ASCC3: variants seen among roughly 807,000 people sequenced by gnomAD.
The protein encoded by ASCC3 is ASC-1 complex subunit P200.
A neutral mutation model predicts 256.3 loss-of-function variants in ASCC3; 158 were observed. The ratio of observed to expected loss-of-function variants is 0.62; its 90% confidence interval spans 0.54 to 0.70. The LOEUF (loss-of-function observed/expected upper bound fraction) is 0.70. ASCC3 is among the 30% of genes least tolerant of loss of function. The pLI, the probability that ASCC3 is intolerant of heterozygous loss-of-function variation, is 0.00. For missense variants in ASCC3, 2,259 were observed against 2,626.0 expected (o/e 0.86, Z 3.05); for synonymous variants, 948 against 883.4 (o/e 1.07, Z -1.30).
At chr6:100,549,850 T>C (rs1582431076) in intron 36 of ASCC3, among the ~76,000 whole-genome samples, 1 of 151,952 alleles carries the variant, frequency 6.6e-6, no homozygotes, top group African/African-American at 2.4e-5. Context: ...ACTGGATGTG[T>C]TGGAAAGTTT....
Position 100,606,934 on chromosome 6 carries a change from T to C in ASCC3, c.4923+17A>G, listed in dbSNP as rs983593751. 10 of 1,612,956 alleles carry C rather than the reference T, an allele frequency of 6.2e-6. No homozygotes were observed. In the African/African-American group the frequency reaches 8.0e-5, roughly 13 times the overall value. ...AAGTTACATTTAAATATGTGTTCAC[T>C]GGAGAAAAAAAAGTACCTGAACTTT... On this transcript the variant is annotated intron_variant, in intron 31 of 41. Transcript: ENST00000369162.
At chr6:100,815,299 ATGGAT>A (rs1203759609) in intron 4 of ASCC3, among the ~76,000 whole-genome samples, 1 of 152,190 alleles carries the variant, frequency 6.6e-6, no homozygotes, top group Non-Finnish European at 1.5e-5. Context: ...TTCCATGCTC[ATGGAT>A]TGGAAGAATC....
intron 11 of ASCC3, among the ~76,000 whole-genome samples, chr6:100,721,200 C>G (rs372723001): frequency 1.3e-5 from 2 of 151,588 alleles, no homozygotes; most frequent in African/African-American, 4.8e-5. Flanking sequence ...CCCTTGTAAT[C>G]ATGAATGATA....
intron 5 of ASCC3, among the ~76,000 whole-genome samples, chr6:100,801,683 GA>G (rs1227910269): frequency 6.6e-6 from 1 of 151,580 alleles, no homozygotes; most frequent in African/African-American, 2.4e-5. Context: ...TTACAGTTCT[GA>G]AAAAAGCATT....
At position 100,509,843 on chromosome 6, in the gene ASCC3, G is replaced by C. The variant is rs1009450298; in HGVS notation, c.6461+89C>G. 1.9e-5 allele frequency: 25 copies of C among 1,301,052 alleles called. No individual in the cohort carries two copies. The African/African-American group carries it at 2.0e-4, about 10-fold the overall frequency. The allele number at this position is 1,301,052 out of a possible 1,614,324, so 80.6% of individuals were successfully genotyped here. A position where few individuals can be genotyped will look rare whatever the true frequency, so the allele number is the denominator to read the frequency against. ...GCGGAGCTTGCAGTGAGCAGAGATC[G>C]CGCCACTGCACTCCAGCCTGGGCGA... On this transcript the variant is annotated intron_variant, in intron 41 of 41. Transcript: ENST00000369162.
chr6:100,703,745 G>A (rs1054775163), intron 13 of ASCC3, among the ~76,000 whole-genome samples: 11 of 151,890 alleles, frequency 7.2e-5, no homozygotes, highest in Admixed American at 6.6e-4. Context: ...CATATAGGAT[G>A]ATAATGCACT....
At chr6:100,842,141 T>C (rs1772173396) in intron 4 of ASCC3, among the ~76,000 whole-genome samples, 1 of 152,196 alleles carries the variant, frequency 6.6e-6, no homozygotes, top group Non-Finnish European at 1.5e-5. Context: ...TATGATATCA[T>C]AGCTCAGCAG....
intron 36 of ASCC3, among the ~76,000 whole-genome samples, chr6:100,576,453 A>G (rs952396357): frequency 3.3e-5 from 5 of 151,994 alleles, no homozygotes. Context: ...ATTTTTTTAC[A>G]GCTGGAATGA....
intron 8 of ASCC3, among the ~76,000 whole-genome samples, chr6:100,791,437 C>T (rs75405313): frequency 0.01 from 1,558 of 152,040 alleles, 30 homozygotes; most frequent in African/African-American, 0.036. Flanking sequence ...GCCAGGTCCA[C>T]ACAAAAGTTG....
chr6:100,721,706 T>C (rs1375837129), intron 11 of ASCC3, among the ~76,000 whole-genome samples: 1 of 151,760 alleles, frequency 6.6e-6, no homozygotes, highest in Non-Finnish European at 1.5e-5. Context: ...ATTTATGTGG[T>C]AAAAAGTAAA....
intron 13 of ASCC3, among the ~76,000 whole-genome samples, chr6:100,695,171 AATTGATATACG>A (rs1445724586): frequency 6.6e-6 from 1 of 152,190 alleles, no homozygotes; most frequent in Non-Finnish European, 1.5e-5. Context: ...TTTACAAAAT[AATTGATATACG>A]CTCTTTGAAA....
chr6:100,550,739 T>C (rs1042674190), intron 36 of ASCC3, among the ~76,000 whole-genome samples: 2 of 151,992 alleles, frequency 1.3e-5, no homozygotes, highest in African/African-American at 4.8e-5. Flanking sequence ...GATGTGACTC[T>C]ACTGTTCTCT....
At chr6:100,603,991 A>T (rs927586680) in intron 33 of ASCC3, among the ~76,000 whole-genome samples, 3 of 151,914 alleles carry the variant, frequency 2.0e-5, no homozygotes, top group Non-Finnish European at 2.9e-5. Context: ...CTAGGAGGAG[A>T]TTGTGTACGA....
At chr6:100,568,776 TATTA>T (rs1490239734) in intron 36 of ASCC3, among the ~76,000 whole-genome samples, 11 of 140,980 alleles carry the variant, frequency 7.8e-5, no homozygotes, top group African/African-American at 3.2e-4. Context: ...TTATTATTAT[TATTA>T]TTATTATTAT....
chr6:100,742,312 A>T (rs187223944), intron 10 of ASCC3, among the ~76,000 whole-genome samples: 1 of 151,782 alleles, frequency 6.6e-6, no homozygotes, highest in East Asian at 1.9e-4. Flanking sequence ...GTGGCTGAAG[A>T]CCTCTGTTGG....
chr6:100,636,764 C>T (rs184397704), intron 25 of ASCC3, among the ~76,000 whole-genome samples: 193 of 152,186 alleles, frequency 1.3e-3, no homozygotes, highest in African/African-American at 4.5e-3. Context: ...GGAGAAAGTC[C>T]GAGTGGTGTA....
intron 36 of ASCC3, among the ~76,000 whole-genome samples, chr6:100,565,525 C>A (rs564902489): frequency 6.6e-6 from 1 of 151,998 alleles, no homozygotes; most frequent in Non-Finnish European, 1.5e-5. Context: ...GGTCTGAAAG[C>A]CAGGATAATG....
At chr6:100,633,502 G>T (rs2114871709) in intron 25 of ASCC3, among the ~76,000 whole-genome samples, 1 of 152,130 alleles carries the variant, frequency 6.6e-6, no homozygotes, top group South Asian at 2.1e-4. Flanking sequence ...AAAATCATAT[G>T]CCGAGACTGC....
chr6:100,812,801 A>G (rs561484975), intron 4 of ASCC3, among the ~76,000 whole-genome samples: 1 of 152,030 alleles, frequency 6.6e-6, no homozygotes, highest in African/African-American at 2.4e-5. Flanking sequence ...GTGGTGGTGC[A>G]TGCCTGTAGT....
Sources: gnomAD v4.1 joint callset for allele counts (sites outside exome capture counted in the v4.1 genomes callset) on GRCh38, gnomAD v4.1.1 for gene constraint, MANE v1.5 for transcripts, NCBI Gene and HGNC (gene_info 2026-07-23, HGNC 2026-07-21) for gene names.